The following ZFHX3 variants were observed in gnomAD, a reference collection of about 807,000 sequenced individuals.
The protein encoded by ZFHX3 is zinc finger homeobox 3.
In ZFHX3, 42 loss-of-function variants were observed where a neutral mutation model predicts 279.1. The observed-to-expected ratio is 0.15, with a 90% CI of 0.12 to 0.19. The LOEUF is 0.19. Among genes scored for constraint, ZFHX3 ranks in the 10% least tolerant of loss-of-function variants. The pLI, the probability that ZFHX3 is intolerant of heterozygous loss-of-function variation, is 1.00. For missense variants in ZFHX3, 4,981 were observed against 4,754.0 expected (o/e 1.05, Z -1.40); for synonymous variants, 2,293 against 1,957.8 (o/e 1.17, Z -4.52).
intron 3 of ZFHX3, among the ~76,000 whole-genome samples, chr16:72,896,032 G>A (rs1000832222): frequency 1.3e-5 from 2 of 152,204 alleles, no homozygotes; most frequent in African/African-American, 4.8e-5. Context: ...GGAGAAGTAT[G>A]ATGAAGGAAG....
At chr16:73,400,056 C>T (rs115361191) in intron 3 of ZFHX3, 1 of 148,070 alleles carries the variant, frequency 6.8e-6, no homozygotes, top group African/African-American at 2.5e-5. Flanking sequence ...TTTAGTGAAT[C>T]AGAGAATGTC....
Position 73,359,817 on chromosome 16 carries a change from G to A in ZFHX3, c.-1290-41481C>T, listed in dbSNP as rs890822808. The stretch of plus-strand genomic sequence containing the variant: ...AACATTGATTTCCGCCCTGAGTTGT[G>A]GGAGAAGCCGCTAATTTGATAAGAC... On this transcript the variant is annotated intron_variant, in intron 3 of 17. Coordinates refer to the ZFHX3 transcript ENST00000641206. 2.6e-5 allele frequency among the ~76,000 whole-genome samples: 4 copies of A among 152,184 alleles called. No individual in the cohort carries two copies. In the South Asian group the frequency reaches 8.3e-4, roughly 32 times the overall value.
At chr16:73,075,283 C>T (rs1965874605) in intron 8 of ZFHX3, among the ~76,000 whole-genome samples, 1 of 150,710 alleles carries the variant, frequency 6.6e-6, no homozygotes, top group Non-Finnish European at 1.5e-5. Flanking sequence ...CACTGCATTA[C>T]AGCCTGAGCA....
At chr16:72,899,447 C>T (rs2038978914) in intron 3 of ZFHX3, among the ~76,000 whole-genome samples, 2 of 152,200 alleles carry the variant, frequency 1.3e-5, no homozygotes, top group South Asian at 4.1e-4. Flanking sequence ...TCTGAGGCCT[C>T]CCCAGCCATG....
Position 72,796,452 on chromosome 16 carries a change from G to A in ZFHX3, c.6230C>T (p.Ala2077Val), listed in dbSNP as rs761966700. Reference protein sequence around the residue: ...SAPPITSPTIAPAQPSVPLTQ... With the variant: ...SAPPITSPTIVPAQPSVPLTQ... Reference sequence around the variant, plus strand: ...GAGCGGCACTGATGGCTGGGCCGGTGCAATTGTAGGTGAGGTGATGGGTGG... The same window carrying A: ...GAGCGGCACTGATGGCTGGGCCGGTACAATTGTAGGTGAGGTGATGGGTGG... Residue 2077 changes from alanine (A) to valine (V), a missense_variant, in exon 9 of 10, where the codon GCA becomes GTA. This residue lies in a region of ZFHX3 where 1,751 missense variants were observed against 1,770.0 expected (regional missense o/e 0.99). Transcript: ENST00000268489. 1.2e-6 allele frequency: 2 copies of A among 1,608,354 alleles called. No homozygotes were observed. Among genetic ancestry groups the A allele is most frequent in the Non-Finnish European group, 1.7e-6 (2 of 1,179,724 alleles).
chr16:73,160,364 A>T (rs538680202), intron 5 of ZFHX3, among the ~76,000 whole-genome samples: 3 of 152,300 alleles, frequency 2.0e-5, no homozygotes, highest in South Asian at 2.1e-4. Context: ...CTGAGTAGGG[A>T]GTATGGTGAT....
At chr16:73,147,582 C>T (rs935375629) in intron 5 of ZFHX3, among the ~76,000 whole-genome samples, 42 of 148,686 alleles carry the variant, frequency 2.8e-4, no homozygotes, top group Non-Finnish European at 4.1e-4. Flanking sequence ...GTCCCAGCTA[C>T]TCGGGAGGCT....
intron 4 of ZFHX3, among the ~76,000 whole-genome samples, chr16:73,308,224 CATATATATATATATATATAT>C (rs56199536): frequency 0.029 from 3,171 of 108,414 alleles, 80 homozygotes; most frequent in Non-Finnish European, 0.036. Flanking sequence ...CATATGCATG[CATATATATATATATATATAT>C]ATATATATAT....
chr16:73,422,732 G>A (rs1181202276), intron 3 of ZFHX3, among the ~76,000 whole-genome samples: 1 of 151,996 alleles, frequency 6.6e-6, no homozygotes, highest in Admixed American at 6.6e-5. Context: ...CTTAATAATT[G>A]CAGTCATCCT....
intron 2 of ZFHX3, among the ~76,000 whole-genome samples, chr16:73,467,026 G>A (rs1320409478): frequency 1.3e-5 from 2 of 152,198 alleles, no homozygotes; most frequent in African/African-American, 4.8e-5. Flanking sequence ...CTAAGGATGG[G>A]ACAAAGGGAG....
At chr16:73,481,432 C>T (rs2018864140) in intron 2 of ZFHX3, among the ~76,000 whole-genome samples, 2 of 151,906 alleles carry the variant, frequency 1.3e-5, no homozygotes, top group African/African-American at 2.4e-5. Flanking sequence ...TTTAGTATTA[C>T]TTTTTAATTA....
chr16:73,806,021 G>A (rs1297350063), intron 1 of ZFHX3, among the ~76,000 whole-genome samples: 1 of 152,224 alleles, frequency 6.6e-6, no homozygotes, highest in East Asian at 1.9e-4. Flanking sequence ...CAAGCCTCAG[G>A]AAACTTACAA....
chr16:73,510,050 T>C lies in ZFHX3; in HGVS notation c.-1546-53792A>G, dbSNP rs180959849. On this transcript the variant is annotated intron_variant, in intron 2 of 17. Coordinates refer to the ZFHX3 transcript ENST00000641206. The stretch of plus-strand genomic sequence containing the variant: ...TCCTTTAGGACAGCTGCATGAGTTG[T>C]TCCCTTTCCATCGAATGCTGTTTTC... 3.9e-5 allele frequency among the ~76,000 whole-genome samples: 6 copies of C among 152,294 alleles called. No individual in the cohort carries two copies. In the East Asian group the frequency reaches 9.7e-4, roughly 25 times the overall value.
chr16:72,920,089 G>A (rs907126853), intron 3 of ZFHX3, among the ~76,000 whole-genome samples: 1 of 151,562 alleles, frequency 6.6e-6, no homozygotes, highest in Admixed American at 6.6e-5. Flanking sequence ...TACTGCGCCC[G>A]GTCCCTGCAT....
chr16:73,391,813 C>A (rs1364346012), intron 3 of ZFHX3, among the ~76,000 whole-genome samples: 1 of 152,090 alleles, frequency 6.6e-6, no homozygotes, highest in Non-Finnish European at 1.5e-5. Flanking sequence ...TAGTAGAATG[C>A]CCAATATATC....
At chr16:73,536,223 CATA>C (rs1182833497) in intron 2 of ZFHX3, among the ~76,000 whole-genome samples, 1 of 152,120 alleles carries the variant, frequency 6.6e-6, no homozygotes, top group Non-Finnish European at 1.5e-5. Context: ...TGAATTACTA[CATA>C]ATAAGTGCAT....
chr16:72,989,178 TAA>T (rs548072736), intron 1 of ZFHX3, among the ~76,000 whole-genome samples: 4 of 138,322 alleles, frequency 2.9e-5, no homozygotes, highest in Non-Finnish European at 3.1e-5. Flanking sequence ...TGTCTCAAAT[TAA>T]AAAAAAAAAA....
intron 2 of ZFHX3, among the ~76,000 whole-genome samples, chr16:73,503,072 A>G (rs535328815): frequency 6.6e-6 from 1 of 152,298 alleles, no homozygotes; most frequent in Non-Finnish European, 1.5e-5. Context: ...CAGCTCTCTC[A>G]GGGGCTGCTC....
intron 1 of ZFHX3, among the ~76,000 whole-genome samples, chr16:73,839,184 C>A (rs1334501185): frequency 2.6e-5 from 4 of 151,674 alleles, no homozygotes; most frequent in Admixed American, 6.6e-5. Flanking sequence ...TGGTGAAACC[C>A]TGTCTCTACT....
Sources: allele counts gnomAD v4.1 joint callset (sites outside exome capture counted in the v4.1 genomes callset), GRCh38; gene constraint gnomAD v4.1.1; regional missense constraint gnomAD v4.1.1; transcripts MANE v1.5; gene names NCBI Gene and HGNC (gene_info 2026-07-23, HGNC 2026-07-21).